Variants in AP4E1 observed in about 807,000 individuals in gnomAD.
The protein encoded by AP4E1 is adaptor related protein complex 4 subunit epsilon 1.
A neutral mutation model predicts 128.2 loss-of-function variants in AP4E1; 56 were observed. The observed-to-expected ratio is 0.44, with a 90% confidence interval of 0.35 to 0.55. The LOEUF (loss-of-function observed/expected upper bound fraction) is 0.55. AP4E1 is among the 20% of genes least tolerant of loss of function. AP4E1 has a pLI of 0.00. For missense variants in AP4E1, 1,324 were observed against 1,307.7 expected (o/e 1.01, Z -0.19); for synonymous variants, 484 against 473.1 (o/e 1.02, Z -0.30).
intron 1 of AP4E1, among the ~76,000 whole-genome samples, chr15:50,909,349 T>G (rs2063535788): frequency 6.6e-6 from 1 of 152,172 alleles, no homozygotes; most frequent in Admixed American, 6.5e-5. Flanking sequence ...TTTTCCCTAC[T>G]CAGTTTCCTT....
At chr15:50,971,375 A>G (rs943612846) in intron 15 of AP4E1, among the ~76,000 whole-genome samples, 1 of 152,140 alleles carries the variant, frequency 6.6e-6, no homozygotes, top group African/African-American at 2.4e-5. Context: ...TGCTTTCAAA[A>G]TTCTTTGTCT....
chr15:50,997,023 A>G (rs550148624), intron 17 of AP4E1, among the ~76,000 whole-genome samples: 4 of 152,330 alleles, frequency 2.6e-5, no homozygotes, highest in South Asian at 2.1e-4. Flanking sequence ...GTTCAGTTCT[A>G]TACTCTAGTA....
At position 50,929,139 on chromosome 15, in the gene AP4E1, T is replaced by G. The variant is rs1567216522; in HGVS notation, c.673T>G (p.Ser225Ala). 6.2e-7 allele frequency: 1 copy of G among 1,613,918 alleles called. No individual in the cohort carries two copies. Among genetic ancestry groups the G allele is most frequent in the Admixed American group, 1.7e-5 (1 of 60,020 alleles). ...CAGAGATGTTGGGGTCATGGCTGCC[T>G]CCTTGCATATATATCTTAGAATGAT... ...CDRDVGVMAA[S>A]LHIYLRMIKE... The change falls in exon 6 of 21, where the codon TCC becomes GCC. Residue 225 changes from serine to alanine, a missense_variant. Coordinates refer to ENST00000261842, the MANE Select transcript of AP4E1 (RefSeq NM_007347.5).
Position 51,003,803 on chromosome 15 carries a change from A to C in AP4E1, c.*1141A>C, listed in dbSNP as rs1340270623. ...ATTTCACCTTTTCTGACACTTCACC[A>C]TGGAGACTATTCAGGTAATACAATT... On this transcript the variant is annotated 3_prime_UTR_variant, in exon 21 of 21. Coordinates refer to ENST00000261842, the MANE Select transcript of AP4E1 (RefSeq NM_007347.5). 2 of 152,618 alleles carry C rather than the reference A, an allele frequency of 1.3e-5. No homozygotes were observed. The allele number at this position is 152,618 out of a possible 1,614,324, so 9.5% of individuals were successfully genotyped here.
In AP4E1 at chr15:50,945,672, C is replaced by G. The variant is rs2064050927; in HGVS notation, c.1177-2348C>G. On this transcript the variant is annotated intron_variant, in intron 10 of 20. Transcript: ENST00000261842. Reference sequence around the variant, plus strand: ...TCTGTGTAAAATGCACTTCTGACAGCAAGTATATTATGTGTGGATCTGATG... The same window carrying G: ...TCTGTGTAAAATGCACTTCTGACAGGAAGTATATTATGTGTGGATCTGATG... 3 of 781,592 alleles carry G rather than the reference C, an allele frequency of 3.8e-6. No homozygotes were observed. In the East Asian group the frequency reaches 7.3e-5, roughly 19 times the overall value. The allele number at this position is 781,592 out of a possible 1,614,324, so 48.4% of individuals were successfully genotyped here.
chr15:50,937,606 T>C (rs2063923734), intron 8 of AP4E1, among the ~76,000 whole-genome samples: 1 of 152,172 alleles, frequency 6.6e-6, no homozygotes, highest in Non-Finnish European at 1.5e-5. Flanking sequence ...AAATAAGTAT[T>C]GTAGGAGTTC....
intron 14 of AP4E1, among the ~76,000 whole-genome samples, chr15:50,966,060 G>A (rs1345392042): frequency 6.6e-6 from 1 of 152,028 alleles, no homozygotes; most frequent in African/African-American, 2.4e-5. Flanking sequence ...TGGGACTACA[G>A]GTGCGCGCCA....
chr15:50,967,408 C>T (rs1361981493), intron 14 of AP4E1, among the ~76,000 whole-genome samples: 2 of 152,124 alleles, frequency 1.3e-5, no homozygotes, highest in African/African-American at 4.8e-5. Context: ...GAAGTAACAA[C>T]AAAAGCAGAG....
chr15:50,928,638 G>A (rs557537502), intron 5 of AP4E1, among the ~76,000 whole-genome samples: 1 of 149,820 alleles, frequency 6.7e-6, no homozygotes, highest in African/African-American at 2.5e-5. Flanking sequence ...TAAACTTACT[G>A]TTGACTTTTT....
chr15:50,975,761 G>C (rs977993074), intron 15 of AP4E1, among the ~76,000 whole-genome samples: 13 of 152,018 alleles, frequency 8.6e-5, no homozygotes, highest in Non-Finnish European at 1.8e-4. Context: ...AGATTAATTT[G>C]GGTATTCATG....
At chr15:50,970,250 GTT>G (rs1295066591) in intron 15 of AP4E1, among the ~76,000 whole-genome samples, 1 of 152,156 alleles carries the variant, frequency 6.6e-6, no homozygotes, top group Non-Finnish European at 1.5e-5. Context: ...TTTCATCCAT[GTT>G]GCCATGAATG....
chr15:50,981,241 C>G (rs2064638994), intron 15 of AP4E1, among the ~76,000 whole-genome samples: 1 of 152,172 alleles, frequency 6.6e-6, no homozygotes, highest in African/African-American at 2.4e-5. Flanking sequence ...TGCCTAAGGC[C>G]TTGAGTGTCC....
intron 14 of AP4E1, among the ~76,000 whole-genome samples, chr15:50,966,362 C>T (rs1315132817): frequency 6.6e-6 from 1 of 151,948 alleles, no homozygotes; most frequent in African/African-American, 2.4e-5. Context: ...TCAGTAGTTC[C>T]TCAAGGGCAG....
intron 16 of AP4E1, among the ~76,000 whole-genome samples, chr15:50,985,645 G>A: frequency 6.6e-6 from 1 of 151,952 alleles, no homozygotes. Context: ...ATTTCTGAGG[G>A]CTCTGTTCTG....
intron 15 of AP4E1, among the ~76,000 whole-genome samples, chr15:50,983,307 T>A (rs1161924713): frequency 6.6e-6 from 1 of 152,168 alleles, no homozygotes; most frequent in Non-Finnish European, 1.5e-5. Context: ...GAAGAAAGAT[T>A]GTCTTTTATT....
upstream of AP4E1, among the ~76,000 whole-genome samples, chr15:50,908,118 A>G (rs1469141098): frequency 6.6e-6 from 1 of 152,082 alleles, no homozygotes; most frequent in Non-Finnish European, 1.5e-5. Flanking sequence ...AAATCCCAGG[A>G]GAAGAGGGGC....
At chr15:50,990,344 T>TTTTTTATTATTATTATTA (rs143254695) in intron 16 of AP4E1, among the ~76,000 whole-genome samples, 8 of 141,098 alleles carry the variant, frequency 5.7e-5, no homozygotes, top group East Asian at 4.1e-4. Context: ...ATTTATTTAA[T>TTTTTTATTATTATTATTA]TTATTATTAT....
intron 8 of AP4E1, among the ~76,000 whole-genome samples, chr15:50,936,992 G>T (rs2063916753): frequency 6.6e-6 from 1 of 151,844 alleles, no homozygotes; most frequent in Admixed American, 6.6e-5. Context: ...TTCTTTGCAG[G>T]CTCTTGGTCC....
intron 10 of AP4E1, chr15:50,945,331 T>A: frequency 1.3e-6 from 1 of 780,592 alleles, no homozygotes; most frequent in Non-Finnish European, 2.4e-6. Context: ...TATAGTACTG[T>A]ACAACATGAG....
Sources: allele counts gnomAD v4.1 joint callset (sites outside exome capture counted in the v4.1 genomes callset), GRCh38; gene constraint gnomAD v4.1.1; transcripts MANE v1.5; gene names NCBI Gene and HGNC (gene_info 2026-07-23, HGNC 2026-07-21).